CEP162: variants seen among roughly 807,000 people sequenced by gnomAD.
CEP162 encodes centrosomal protein of 162 kDa.
Under a neutral mutation model 169.2 loss-of-function variants are expected in CEP162, and 141 were observed. The observed-to-expected ratio is 0.83, with a 90% CI of 0.73 to 0.96. The LOEUF is 0.96. CEP162 is among the 40% of genes least tolerant of loss of function. CEP162 has a pLI of 0.00. For synonymous variants in CEP162, 540 were observed against 526.4 expected (o/e 1.03, Z -0.35); for missense variants, 1,600 against 1,587.2 (o/e 1.01, Z -0.14).
At chr6:84,149,960 C>A (rs1281187480) in intron 23 of CEP162, among the ~76,000 whole-genome samples, 1 of 152,146 alleles carries the variant, frequency 6.6e-6, no homozygotes, top group Non-Finnish European at 1.5e-5. Context: ...TTACCCCAAC[C>A]TGAGGCTACA....
chr6:84,142,720 TA>T lies in CEP162; in HGVS notation c.3870+3966del, dbSNP rs1408218001. Among the ~76,000 whole-genome samples, 13 of 152,268 alleles carry T rather than the reference TA, an allele frequency of 8.5e-5. No individual in the cohort carries two copies. The South Asian group carries it at 2.7e-3, about 32-fold the overall frequency. The stretch of plus-strand genomic sequence containing the variant: ...TACCTGGGTTTACTAATCAAATAAG[TA>T]TCTCTGCTAGACATTTAAAATTAAA... On this transcript the variant is annotated intron_variant, in intron 25 of 26. Transcript: ENST00000403245.
intron 24 of CEP162, among the ~76,000 whole-genome samples, chr6:84,148,588 A>ATACC (rs1207956793): frequency 2.6e-5 from 4 of 152,188 alleles, no homozygotes; most frequent in Non-Finnish European, 2.9e-5. Flanking sequence ...ATAACATTTT[A>ATACC]TACCTAAGAA....
At chr6:84,128,552 T>C (rs1198733869) in intron 25 of CEP162, among the ~76,000 whole-genome samples, 1 of 152,138 alleles carries the variant, frequency 6.6e-6, no homozygotes, top group African/African-American at 2.4e-5. Flanking sequence ...TAAGCCACCA[T>C]ATAGAAGTTA....
intron 17 of CEP162, among the ~76,000 whole-genome samples, 179 bp from the exon 18 acceptor site, chr6:84,169,612 A>G (rs1283368697): frequency 6.6e-6 from 1 of 152,150 alleles, no homozygotes; most frequent in East Asian, 1.9e-4. Flanking sequence ...AGAGAAATAT[A>G]CTTTAAGGGA....
intron 22 of CEP162, among the ~76,000 whole-genome samples, chr6:84,154,842 A>T (rs1301522602): frequency 6.6e-6 from 1 of 152,166 alleles, no homozygotes; most frequent in Non-Finnish European, 1.5e-5. Context: ...TGTTTCACAA[A>T]ATAATGGAAA....
At chr6:84,180,113 G>C (rs867855462) in intron 13 of CEP162, among the ~76,000 whole-genome samples, 2 of 152,068 alleles carry the variant, frequency 1.3e-5, no homozygotes, top group Non-Finnish European at 2.9e-5. Flanking sequence ...CTGGCAAACC[G>C]AATCCAGCAG....
intron 20 of CEP162, 101 bp from the exon 21 acceptor site, chr6:84,161,017 C>T: frequency 1.2e-6 from 1 of 804,846 alleles, no homozygotes; most frequent in South Asian, 1.6e-5. Context: ...TTTATTAATT[C>T]CTCAGCAAAA....
intron 2 of CEP162, 27 bp downstream of exon 2, chr6:84,226,310 A>G (rs1166475078): frequency 6.3e-6 from 9 of 1,434,558 alleles, no homozygotes; most frequent in Admixed American, 2.0e-5. Flanking sequence ...AAATTTGACA[A>G]TATAGCTTTT....
chr6:84,174,312 T>C (rs1252458988), intron 15 of CEP162, 124 bp from the exon 16 acceptor site: 2 of 819,570 alleles, frequency 2.4e-6, no homozygotes, highest in Non-Finnish European at 3.7e-6. Context: ...CATATTAGAA[T>C]GTGACATAAC....
intron 25 of CEP162, among the ~76,000 whole-genome samples, chr6:84,139,803 T>C (rs955782334): frequency 1.3e-5 from 2 of 152,230 alleles, no homozygotes; most frequent in Admixed American, 1.3e-4. Flanking sequence ...CTATTGGTTA[T>C]TATTTTTAGC....
At position 84,149,690 on chromosome 6, in the gene CEP162, TATCTTCCTTGACCCTACAGA is replaced by T; in HGVS notation, c.3630-7_3642del. 6.4e-7 allele frequency: 1 copy of T among 1,552,628 alleles called. No homozygotes were observed. The highest frequency in any genetic ancestry group is 8.7e-7 in the Non-Finnish European group (1 of 1,149,012). The stretch of plus-strand genomic sequence containing the variant: ...TTGAGGGATGCAATGTGTGCTGCAG[TATCTTCCTTGACCCTACAGA>T]GCAAATGAAAGAAAACCACACATAA... On this transcript the variant is annotated splice_acceptor_variant and splice_polypyrimidine_tract_variant and coding_sequence_variant and intron_variant, in exon 24 of 27. Coordinates refer to ENST00000403245, the MANE Select transcript of CEP162 (RefSeq NM_014895.4). LOFTEE classifies it high-confidence loss of function.
In CEP162 at chr6:84,203,965, T is replaced by C. The variant is rs755493517; in HGVS notation, c.687+16A>G. The C allele has an allele frequency of 5.3e-6, 8 of 1,517,138 alleles. No individual in the cohort carries two copies. In the African/African-American group the frequency reaches 1.1e-4, roughly 21 times the overall value. The allele number at this position is 1,517,138 out of a possible 1,614,324, so 94.0% of individuals were successfully genotyped here. On this transcript the variant is annotated intron_variant, in intron 7 of 26. Transcript: ENST00000403245. ...AAAAGTTGCAAAACTGTCAAATATA[T>C]AATTGATATATATACCTGTTTGGGC... is the stretch of plus-strand genomic sequence containing the variant.
chr6:84,195,678 T>G (rs929532585), intron 9 of CEP162, among the ~76,000 whole-genome samples: 2 of 152,206 alleles, frequency 1.3e-5, no homozygotes, highest in Non-Finnish European at 2.9e-5. Context: ...AACTGTTTCT[T>G]CTGCATGCCT....
chr6:84,169,953 C>A (rs2099529342), intron 17 of CEP162, among the ~76,000 whole-genome samples: 1 of 152,108 alleles, frequency 6.6e-6, no homozygotes, highest in African/African-American at 2.4e-5. Flanking sequence ...ACTAAAGAAA[C>A]CATTTATTTC....
At chr6:84,165,319 G>C (rs576641142) in intron 18 of CEP162, among the ~76,000 whole-genome samples, 1 of 151,786 alleles carries the variant, frequency 6.6e-6, no homozygotes, top group East Asian at 1.9e-4. Context: ...AAATGCTTGG[G>C]ACATCAAAAA....
At chr6:84,184,791 C>G (rs1361349962) in intron 13 of CEP162, among the ~76,000 whole-genome samples, 1 of 151,762 alleles carries the variant, frequency 6.6e-6, no homozygotes, top group Non-Finnish European at 1.5e-5. Flanking sequence ...CTCCTGGACT[C>G]CAGAATTTTA....
At chr6:84,197,944 A>G (rs2099542864) in intron 9 of CEP162, among the ~76,000 whole-genome samples, 1 of 152,204 alleles carries the variant, frequency 6.6e-6, no homozygotes. Context: ...TAATGCAGAC[A>G]TAGCACAAAA....
chr6:84,135,795 A>G (rs1304299328), intron 25 of CEP162, among the ~76,000 whole-genome samples: 1 of 152,188 alleles, frequency 6.6e-6, no homozygotes, highest in African/African-American at 2.4e-5. Flanking sequence ...TGAGGGAGGC[A>G]GAGGTTGCTG....
At chr6:84,138,459 A>T (rs1350678458) in intron 25 of CEP162, among the ~76,000 whole-genome samples, 1 of 152,204 alleles carries the variant, frequency 6.6e-6, no homozygotes. Flanking sequence ...CATAATACAC[A>T]GGACGTCAGG....
Sources: gnomAD v4.1 joint callset for allele counts (sites outside exome capture counted in the v4.1 genomes callset) on GRCh38, gnomAD v4.1.1 for gene constraint, MANE v1.5 for transcripts, NCBI Gene and HGNC (gene_info 2026-07-23, HGNC 2026-07-21) for gene names.